The following OSBPL11 variants were observed in gnomAD, a reference collection of about 807,000 sequenced individuals.
OSBPL11 encodes the protein oxysterol-binding protein-related protein 11.
OSBPL11 carries 33 observed loss-of-function variants against 84.4 expected under a neutral mutation model. The observed-to-expected ratio is 0.39, with a 90% CI of 0.30 to 0.52. The LOEUF is 0.52. OSBPL11 is among the 20% of genes least tolerant of loss of function. The probability of loss-of-function intolerance (pLI) is 0.72; values close to 1 mark genes in which losing one functional copy is unlikely to be tolerated. For synonymous variants in OSBPL11, 276 were observed against 310.2 expected, an observed-to-expected ratio of 0.89 and a Z score of 1.16; for missense variants, 736 against 901.1, an observed-to-expected ratio of 0.82 and a Z score of 2.35.
At chr3:125,532,803 T>TATTCATCATTGCCCCCAACTGGTAA (rs145498747) in intron 11 of OSBPL11, among the ~76,000 whole-genome samples, 84,612 of 151,724 alleles carry the variant, frequency 0.56, 25,903 homozygotes, top group African/African-American at 0.84. Context: ...ACAGCAGTAT[T>TATTCATCATTGCCCCCAACTGGTAA]ATGGATAGGC....
rs1193848235 is a variant in OSBPL11 at position 125,530,118 on chromosome 3, C to G, written c.*397G>C. Reference sequence around the variant, plus strand: ...TCAGTTATGGACAGAAAGAAAGACACAAACTCTGAAACGGAGACTTCACTT... The same window carrying G: ...TCAGTTATGGACAGAAAGAAAGACAGAAACTCTGAAACGGAGACTTCACTT... On this transcript the variant is annotated 3_prime_UTR_variant, in exon 13 of 13. Transcript: ENST00000296220. 5.4e-6 allele frequency: 1 copy of G among 184,090 alleles called. No homozygotes were observed. Among genetic ancestry groups the G allele is most frequent in the Non-Finnish European group, 1.2e-5 (1 of 86,260 alleles). 11.4% of individuals were successfully genotyped at this position (184,090 alleles called of 1,614,324 possible).
chr3:125,569,637 T>C lies in OSBPL11; in HGVS notation c.667-2042A>G, dbSNP rs575111670. Among the ~76,000 whole-genome samples, 3 of 152,320 alleles carry C rather than the reference T, an allele frequency of 2.0e-5. No individual in the cohort carries two copies. The South Asian group carries it at 6.2e-4, about 32-fold the overall frequency. On this transcript the variant is annotated intron_variant, in intron 5 of 12. Coordinates refer to ENST00000296220, the MANE Select transcript of OSBPL11 (RefSeq NM_022776.5). ...TCCAACAATTACACTCTTAGCTACC[T>C]AACCAAGAGATATATACATGCATAT...
chr3:125,580,836 A>G (rs933324478), intron 2 of OSBPL11, among the ~76,000 whole-genome samples: 1 of 152,322 alleles, frequency 6.6e-6, no homozygotes, highest in Middle Eastern at 3.4e-3. Flanking sequence ...CAACAAGAAT[A>G]ACAGGGTAAA....
intron 5 of OSBPL11, among the ~76,000 whole-genome samples, chr3:125,575,331 C>CTATA (rs373051352): frequency 1.3e-5 from 2 of 150,948 alleles, no homozygotes; most frequent in South Asian, 4.2e-4. Flanking sequence ...TTGAAATGTT[C>CTATA]TATATATATA....
intron 5 of OSBPL11, among the ~76,000 whole-genome samples, chr3:125,571,500 C>T (rs895694713): frequency 2.6e-5 from 4 of 152,158 alleles, no homozygotes; most frequent in African/African-American, 9.7e-5. Context: ...CAGACCCTCT[C>T]ATCATAGGCC....
intron 1 of OSBPL11, among the ~76,000 whole-genome samples, chr3:125,591,199 T>G (rs1312738046): frequency 6.6e-6 from 1 of 152,230 alleles, no homozygotes; most frequent in Admixed American, 6.5e-5. Flanking sequence ...ATAATTTGAC[T>G]CCCCAAGTCC....
chr3:125,593,619 CA>C (rs34098923), intron 1 of OSBPL11, among the ~76,000 whole-genome samples: 1,878 of 109,760 alleles, frequency 0.017, 16 homozygotes, highest in African/African-American at 0.035. Context: ...GACTCTGCCT[CA>C]AAAAAAAAAA....
At chr3:125,540,328 CAAAAAAAAAAAAAA>C (rs201858368) in intron 10 of OSBPL11, among the ~76,000 whole-genome samples, 49,196 of 85,942 alleles carry the variant, frequency 0.57, 10,546 homozygotes, top group Middle Eastern at 0.68. Context: ...GGCTCTGTCT[CAAAAAAAAAAAAAA>C]AAAAAAAAAA....
rs189522532 is a variant in OSBPL11 at position 125,583,113 on chromosome 3, T to C, written c.165-135A>G. 353 of 587,934 alleles carry C rather than the reference T, an allele frequency of 6.0e-4. 2 individuals carry two copies. Among genetic ancestry groups the C allele is most frequent in the African/African-American group, 5.9e-3 (304 of 51,138 alleles). 36.4% of individuals were successfully genotyped at this position (587,934 alleles called of 1,614,324 possible). A position where few individuals can be genotyped will look rare whatever the true frequency, so the allele number is the denominator to read the frequency against. ...TCAAATTTTATTGAGAAGTAAAATG[T>C]ATAGGTCAACAGAGGCATTTAATCT... On this transcript the variant is annotated intron_variant, in intron 1 of 12. Transcript: ENST00000296220.
chr3:125,578,433 A>AT (rs1267973181), intron 4 of OSBPL11, among the ~76,000 whole-genome samples: 1 of 152,072 alleles, frequency 6.6e-6, no homozygotes, highest in Non-Finnish European at 1.5e-5. Flanking sequence ...GAGAGATGAC[A>AT]ATGTTCTGAA....
intron 2 of OSBPL11, among the ~76,000 whole-genome samples, chr3:125,581,464 G>C (rs1229020288): frequency 6.6e-6 from 1 of 151,536 alleles, no homozygotes; most frequent in Non-Finnish European, 1.5e-5. Context: ...GGGAGGCCAA[G>C]GCGGGTGGAC....
chr3:125,574,890 G>C (rs1344029792), intron 5 of OSBPL11, among the ~76,000 whole-genome samples: 2 of 152,128 alleles, frequency 1.3e-5, no homozygotes, highest in Non-Finnish European at 2.9e-5. Flanking sequence ...TCAAAGTGCA[G>C]GACAGACCAA....
intron 1 of OSBPL11, among the ~76,000 whole-genome samples, chr3:125,592,878 C>G (rs1936619375): frequency 6.6e-6 from 1 of 151,738 alleles, no homozygotes; most frequent in Non-Finnish European, 1.5e-5. Flanking sequence ...CATCAGAAAC[C>G]TAAACATAAG....
At chr3:125,567,364 G>A (rs1421611234) in intron 6 of OSBPL11, 30 bp downstream of exon 6, 1 of 1,554,748 alleles carries the variant, frequency 6.4e-7, no homozygotes, top group African/African-American at 1.4e-5. Flanking sequence ...GGCCTTCATT[G>A]TGAAGCCCTA....
intron 6 of OSBPL11, 149 bp from the exon 7 acceptor site, chr3:125,563,992 C>T: frequency 1.3e-6 from 1 of 748,722 alleles, no homozygotes; most frequent in Non-Finnish European, 2.1e-6. Context: ...ACTTATATCT[C>T]ATTAGCATGA....
chr3:125,547,407 G>A lies in OSBPL11; in HGVS notation c.1840C>T (p.Arg614Trp), dbSNP rs781323163. ...AGATAATCATTAAAATGTTCTTACC[G>A]ATGCAGTTTGCCACCATAAAATGGC... is the stretch of plus-strand genomic sequence containing the variant. The part of the protein sequence containing the change: ...TKPFYGGKLH[R>W]VTAEVKHNIT... The change falls in exon 10 of 13, where the codon CGG (arginine) becomes TGG (tryptophan). Residue 614 changes from arginine (R) to tryptophan (W), a missense_variant and splice_region_variant. This residue lies in a region of OSBPL11 where 579 missense variants were observed against 717.6 expected (regional missense o/e 0.81). Transcript: ENST00000296220. The A allele has an allele frequency of 2.6e-5, 42 of 1,611,436 alleles. No homozygotes were observed. Among genetic ancestry groups the A allele is most frequent in the Middle Eastern group, 1.6e-4 (1 of 6,072 alleles).
At chr3:125,589,821 A>G (rs1936570926) in intron 1 of OSBPL11, among the ~76,000 whole-genome samples, 1 of 152,234 alleles carries the variant, frequency 6.6e-6, no homozygotes, top group African/African-American at 2.4e-5. Context: ...AATTATTTCT[A>G]TACTACACAT....
At chr3:125,593,325 A>G (rs1169370823) in intron 1 of OSBPL11, among the ~76,000 whole-genome samples, 2 of 152,128 alleles carry the variant, frequency 1.3e-5, no homozygotes, top group African/African-American at 2.4e-5. Context: ...TTACCAATAA[A>G]AAGTTATCTT....
chr3:125,557,791 CTTTTT>C (rs11295103), intron 8 of OSBPL11, among the ~76,000 whole-genome samples: 2 of 81,972 alleles, frequency 2.4e-5, no homozygotes, highest in Non-Finnish European at 2.2e-5. Flanking sequence ...ATACAACTTT[CTTTTT>C]TTTTTTTTTT....
Sources: gnomAD v4.1 joint callset for allele counts (sites outside exome capture counted in the v4.1 genomes callset) on GRCh38, gnomAD v4.1.1 for gene constraint, gnomAD v4.1.1 regional missense constraint, MANE v1.5 for transcripts, NCBI Gene and HGNC (gene_info 2026-07-23, HGNC 2026-07-21) for gene names.